NFATC1: variants seen among roughly 807,000 people sequenced by gnomAD.
NFATC1 encodes nuclear factor of activated T cells 1.
A neutral mutation model predicts 76.0 loss-of-function variants in NFATC1; 22 were observed. That is an observed-to-expected ratio of 0.29 (90% confidence interval 0.21 to 0.41). NFATC1 has a LOEUF of 0.41. NFATC1 is among the 10% of genes least tolerant of loss of function. The probability of loss-of-function intolerance (pLI) is 1.00; values close to 1 mark genes in which losing one functional copy is unlikely to be tolerated. For missense variants in NFATC1, 1,357 were observed against 1,337.7 expected (o/e 1.01, Z -0.23); for synonymous variants, 704 against 613.1 (o/e 1.15, Z -2.19).
rs1450481989 is a variant in NFATC1 at position 79,521,620 on chromosome 18, GT to G, written c.2783-5907del. Among the ~76,000 whole-genome samples, 23 of 15,680 alleles carry G rather than the reference GT, an allele frequency of 1.5e-3. 3 individuals are homozygous for G. The highest frequency in any genetic ancestry group is 3.1e-3 in the African/African-American group (11 of 3,542). The allele number at this position is 15,680 out of a possible 152,430, so 10.3% of individuals were successfully genotyped here. A position where few individuals can be genotyped will look rare whatever the true frequency, so the allele number is the denominator to read the frequency against. On this transcript the variant is annotated intron_variant, in intron 9 of 9. Transcript: ENST00000427363. ...TCCGCTGATGTGTATGTCTGTGTGT[GT>G]GGGGGGGGGGGCATCCGCTGATGTG... is the stretch of plus-strand genomic sequence containing the variant.
chr18:79,411,527 G>A (rs781401849), intron 2 of NFATC1, 26 bp downstream of exon 2: 30 of 1,392,386 alleles, frequency 2.2e-5, no homozygotes, highest in African/African-American at 1.0e-4. Context: ...GGGGCGGGAC[G>A]GGGAGGCGAG....
chr18:79,463,444 G>A (rs1273723889), intron 7 of NFATC1, among the ~76,000 whole-genome samples: 1 of 148,376 alleles, frequency 6.7e-6, no homozygotes, highest in Non-Finnish European at 1.5e-5. Context: ...CCCGCAGCCT[G>A]TTCCCGTGTC....
At chr18:79,424,957 CTG>C (rs1417584267) in intron 2 of NFATC1, among the ~76,000 whole-genome samples, 2 of 146,560 alleles carry the variant, frequency 1.4e-5, no homozygotes, top group East Asian at 2.0e-4. Context: ...CTCTCTGTGT[CTG>C]TCTCTCCGTC....
chr18:79,406,382 C>T (rs2085438081), intron 1 of NFATC1, among the ~76,000 whole-genome samples: 1 of 151,958 alleles, frequency 6.6e-6, no homozygotes, highest in Non-Finnish European at 1.5e-5. Flanking sequence ...GGTTGAAGGC[C>T]ACGGATGCCT....
rs201244348 is a variant in NFATC1 at position 79,522,376 on chromosome 18, GT to G, written c.2783-5151del. 2.9e-3 allele frequency among the ~76,000 whole-genome samples: 154 copies of G among 53,810 alleles called. 1 individual carries two copies. The highest frequency in any genetic ancestry group is 0.025 in the East Asian group (52 of 2,088). 35.3% of individuals were successfully genotyped at this position (53,810 alleles called of 152,430 possible). ...CACTGATGTTTGTGTCTCTGTGTGT[GT>G]GGGGGGGGGTGCGTCCACGGATTGT... On this transcript the variant is annotated intron_variant, in intron 9 of 9. Transcript: ENST00000427363.
At position 79,529,130 on chromosome 18, in the gene NFATC1, C is replaced by T. The variant is rs1407546457; in HGVS notation, c.*1553C>T. 6.6e-6 allele frequency: 1 copy of T among 152,278 alleles called. No homozygotes were observed. Among genetic ancestry groups the T allele is most frequent in the African/African-American group, 2.4e-5 (1 of 41,464 alleles). 9.4% of individuals were successfully genotyped at this position (152,278 alleles called of 1,614,324 possible). ...GGAAAGAAACAACCTGAAGGCCATC[C>T]CGTCGGTCTGCACGTAACCGTGAAG... is the stretch of plus-strand genomic sequence containing the variant. On this transcript the variant is annotated 3_prime_UTR_variant, in exon 10 of 10. Coordinates refer to ENST00000427363, the MANE Select transcript of NFATC1 (RefSeq NM_001278669.2).
chr18:79,439,313 A>G (rs1448167893), intron 3 of NFATC1, among the ~76,000 whole-genome samples: 2 of 152,168 alleles, frequency 1.3e-5, no homozygotes, highest in Non-Finnish European at 2.9e-5. Context: ...GAGCTGTGCT[A>G]TTGCAGAACC....
chr18:79,520,357 T>G (rs1330070594), intron 9 of NFATC1, among the ~76,000 whole-genome samples: 1 of 137,920 alleles, frequency 7.3e-6, no homozygotes, highest in Non-Finnish European at 1.6e-5. Context: ...CGTGTCCCGG[T>G]GGCTCTCACA....
chr18:79,410,164 G>GTC lies in NFATC1; in HGVS notation c.128-239_128-238insTC. ...TCGGGGGCTTGTGCTGCTGTTAGGG[G>GTC]AGGAGGGGAGGTGGGCAGTGAGGGG... On this transcript the variant is annotated intron_variant, in intron 1 of 9. Transcript: ENST00000427363. The surrounding 1 kb of genome is among the most constrained non-coding windows in gnomAD (Gnocchi z 6.7). The GTC allele has an allele frequency of 1.3e-6, 1 of 761,242 alleles. No homozygotes were observed. The highest frequency in any genetic ancestry group is 1.4e-5 in the South Asian group (1 of 72,500). The allele number at this position is 761,242 out of a possible 1,614,324, so 47.2% of individuals were successfully genotyped here. A position where few individuals can be genotyped will look rare whatever the true frequency, so the allele number is the denominator to read the frequency against.
chr18:79,407,644 C>T (rs1197959783), intron 1 of NFATC1, among the ~76,000 whole-genome samples: 1 of 152,152 alleles, frequency 6.6e-6, no homozygotes, highest in African/African-American at 2.4e-5. Flanking sequence ...AGGGTTTCAT[C>T]ATGTTGCCCA....
intron 8 of NFATC1, among the ~76,000 whole-genome samples, chr18:79,482,441 G>T (rs111642612): frequency 0.064 from 8,961 of 139,640 alleles, 391 homozygotes; most frequent in African/African-American, 0.25. Context: ...CCTGGTCCTG[G>T]GGTGTCATTC....
chr18:79,493,539 C>T (rs1053292119), intron 9 of NFATC1: 2 of 152,268 alleles, frequency 1.3e-5, no homozygotes, highest in Non-Finnish European at 2.9e-5. Context: ...GTCATTAAAA[C>T]AACGAGCAGG....
chr18:79,420,515 T>A (rs11876815), intron 2 of NFATC1, among the ~76,000 whole-genome samples: 144 of 151,244 alleles, frequency 9.5e-4, no homozygotes, highest in African/African-American at 3.4e-3. Context: ...GCAGACGCAT[T>A]TCCAGGCGAG....
chr18:79,494,277 A>G (rs867675702), intron 9 of NFATC1, among the ~76,000 whole-genome samples: 1,231 of 104,774 alleles, frequency 0.012, no homozygotes, highest in African/African-American at 0.034. Context: ...TGAACCTGGT[A>G]CCGCCGGGGG....
At chr18:79,441,099 C>A (rs1158635298) in intron 3 of NFATC1, among the ~76,000 whole-genome samples, 1 of 152,256 alleles carries the variant, frequency 6.6e-6, no homozygotes, top group Non-Finnish European at 1.5e-5. Flanking sequence ...GACGCACCAT[C>A]ATACACACTT....
At chr18:79,414,733 A>G (rs2085818362) in intron 2 of NFATC1, among the ~76,000 whole-genome samples, 2 of 152,180 alleles carry the variant, frequency 1.3e-5, no homozygotes, top group Non-Finnish European at 2.9e-5. Flanking sequence ...TTAAGCTGTG[A>G]ATTCTGGCAT....
intron 1 of NFATC1, chr18:79,400,124 G>T: frequency 1.1e-6 from 1 of 913,658 alleles, no homozygotes; most frequent in Non-Finnish European, 1.3e-6. Context: ...GACCCCTGCG[G>T]TCGCGCGCGC....
chr18:79,416,393 C>T (rs1405797607), intron 2 of NFATC1, among the ~76,000 whole-genome samples: 5 of 152,208 alleles, frequency 3.3e-5, no homozygotes, highest in South Asian at 2.1e-4. Flanking sequence ...GTTCGGGCCC[C>T]GGCAGTGTTG....
rs1236118801 is a variant in NFATC1, at chr18:79,528,076, C to T, written c.*499C>T. ...GAATGAAGAGAACGCTGGAAGGCTG[C>T]GAGAGGACTCTAGTATGAGTCTCCA... is the stretch of plus-strand genomic sequence containing the variant. On this transcript the variant is annotated 3_prime_UTR_variant, in exon 10 of 10. Transcript: ENST00000427363. 7.5e-6 allele frequency: 3 copies of T among 402,384 alleles called. No individual in the cohort carries two copies. Among genetic ancestry groups the T allele is most frequent in the African/African-American group, 2.0e-5 (1 of 48,782 alleles). 24.9% of individuals were successfully genotyped at this position (402,384 alleles called of 1,614,324 possible).
Sources: gnomAD v4.1 joint callset for allele counts (sites outside exome capture counted in the v4.1 genomes callset) on GRCh38, gnomAD v4.1.1 for gene constraint, Gnocchi (gnomAD v3.1) non-coding constraint, MANE v1.5 for transcripts, NCBI Gene and HGNC (gene_info 2026-07-23, HGNC 2026-07-21) for gene names.